SAMSN1: variants seen among roughly 807,000 people sequenced by gnomAD.
SAMSN1 encodes SAM domain, SH3 domain and nuclear localization signals 1.
SAMSN1 carries 31 observed loss-of-function variants against 42.0 expected under a neutral mutation model. The observed-to-expected ratio is 0.74, with a 90% CI of 0.55 to 1.00. The LOEUF (loss-of-function observed/expected upper bound fraction) is 1.00. Among genes scored for constraint, SAMSN1 ranks in the 50% least tolerant of loss-of-function variants. SAMSN1 has a pLI of 0.00. For missense variants in SAMSN1, 464 were observed against 439.4 expected (o/e 1.06, Z -0.50); for synonymous variants, 178 against 151.9 (o/e 1.17, Z -1.26).
chr21:14,592,673 C>A, intron 7 of SAMSN1: 2 of 366,894 alleles, frequency 5.5e-6, no homozygotes, highest in Non-Finnish European at 1.2e-5. Flanking sequence ...GTGAGAATGA[C>A]CTACTGTTAA....
chr21:14,572,163 T>C (rs928924541), intron 2 of SAMSN1, among the ~76,000 whole-genome samples: 5 of 152,172 alleles, frequency 3.3e-5, no homozygotes, highest in Non-Finnish European at 7.4e-5. Context: ...TAAATTATAA[T>C]TAAATGATAA....
intron 2 of SAMSN1, chr21:14,616,020 TA>T: frequency 1.7e-6 from 1 of 582,336 alleles, no homozygotes; most frequent in Non-Finnish European, 3.2e-6. Flanking sequence ...AAACTCCCTG[TA>T]AAATAAAATA....
chr21:14,651,232 AAG>A (rs1983830634), intron 1 of SAMSN1, among the ~76,000 whole-genome samples: 1 of 151,948 alleles, frequency 6.6e-6, no homozygotes, highest in African/African-American at 2.4e-5. Context: ...TCAAAAAAAA[AAG>A]AAGACTACAG....
chr21:14,584,787 T>G (rs941040788), upstream of SAMSN1, among the ~76,000 whole-genome samples: 2 of 152,216 alleles, frequency 1.3e-5, no homozygotes, highest in African/African-American at 4.8e-5. Context: ...GAATATTTGC[T>G]TCCTCATTAA....
chr21:14,659,252 A>G (rs1983961976), upstream of SAMSN1, among the ~76,000 whole-genome samples: 2 of 152,028 alleles, frequency 1.3e-5, no homozygotes, highest in Admixed American at 1.3e-4. Context: ...AGATATAGAG[A>G]TAAACACATT....
At chr21:14,529,304 C>T (rs561205193) in intron 1 of SAMSN1, among the ~76,000 whole-genome samples, 1 of 152,298 alleles carries the variant, frequency 6.6e-6, no homozygotes, top group African/African-American at 2.4e-5. Flanking sequence ...ATATTGATTG[C>T]TGTTATTACA....
chr21:14,550,978 T>C (rs1382076743), upstream of SAMSN1, among the ~76,000 whole-genome samples: 1 of 152,094 alleles, frequency 6.6e-6, no homozygotes, highest in Non-Finnish European at 1.5e-5. Context: ...GCTCCTTGGG[T>C]AGATATGTCT....
intron 2 of SAMSN1, among the ~76,000 whole-genome samples, chr21:14,581,395 G>C (rs1312214781): frequency 2.0e-5 from 2 of 97,664 alleles, no homozygotes; most frequent in Admixed American, 1.7e-4. Context: ...GTCTTGCTCA[G>C]TCGCCCAGGC....
At chr21:14,645,067 C>T (rs1568842211) in intron 1 of SAMSN1, among the ~76,000 whole-genome samples, 1 of 152,182 alleles carries the variant, frequency 6.6e-6, no homozygotes, top group African/African-American at 2.4e-5. Context: ...CTTCTGGACT[C>T]ACCCAGGGCC....
intron 1 of SAMSN1, among the ~76,000 whole-genome samples, chr21:14,524,285 T>C (rs1317222383): frequency 2.0e-5 from 3 of 152,158 alleles, no homozygotes; most frequent in African/African-American, 7.2e-5. Context: ...ATTGATAATG[T>C]TGTTTATATA....
At chr21:14,608,510 C>G (rs1982622224) in intron 5 of SAMSN1, among the ~76,000 whole-genome samples, 1 of 152,140 alleles carries the variant, frequency 6.6e-6, no homozygotes, top group South Asian at 2.1e-4. Context: ...ACAACAGGGC[C>G]TGAAATTCCT....
chr21:14,523,558 A>T (rs1281635713), intron 1 of SAMSN1, among the ~76,000 whole-genome samples: 1 of 152,198 alleles, frequency 6.6e-6, no homozygotes, highest in Non-Finnish European at 1.5e-5. Flanking sequence ...CTCAGCAATC[A>T]CAGAAGGGAA....
At chr21:14,554,127 T>C (rs1480119767) in intron 2 of SAMSN1, among the ~76,000 whole-genome samples, 1 of 152,186 alleles carries the variant, frequency 6.6e-6, no homozygotes, top group Non-Finnish European at 1.5e-5. Flanking sequence ...TTTAGCTAGA[T>C]TTTTAATTTG....
chr21:14,523,266 C>A (rs1201839189), intron 1 of SAMSN1: 1 of 152,134 alleles, frequency 6.6e-6, no homozygotes, highest in East Asian at 1.9e-4. Context: ...TAAAAAGATC[C>A]TGACCTCTGG....
chr21:14,513,039 T>C (rs1216065109), intron 3 of SAMSN1, among the ~76,000 whole-genome samples: 1 of 152,210 alleles, frequency 6.6e-6, no homozygotes, highest in Non-Finnish European at 1.5e-5. Flanking sequence ...TAGATATGAA[T>C]AAAACATGTA....
chr21:14,498,735 T>C, intron 6 of SAMSN1, 143 bp from the exon 7 acceptor site: 1 of 583,100 alleles, frequency 1.7e-6, no homozygotes, highest in Non-Finnish European at 2.8e-6. Flanking sequence ...TTGTATTCGT[T>C]TCTGACATAT....
chr21:14,609,588 T>C (rs759048572), intron 4 of SAMSN1: 2 of 717,756 alleles, frequency 2.8e-6, no homozygotes, highest in African/African-American at 1.7e-5. Context: ...AGCAGATAAT[T>C]GGTTAGCAGA....
At chr21:14,592,770 T>C (rs1201107961) in intron 7 of SAMSN1, 1 of 210,454 alleles carries the variant, frequency 4.8e-6, no homozygotes, top group Non-Finnish European at 1.1e-5. Flanking sequence ...AAATACGAAT[T>C]AAGTGGCCTA....
rs369101838 is a variant in SAMSN1 at position 14,533,312 on chromosome 21, A to G, written c.58-12091T>C. On this transcript the variant is annotated intron_variant, in intron 1 of 7. Transcript: ENST00000400566. Reference sequence around the variant, plus strand: ...CAGAAAATTCCAATTTGCTCTTTTTAACCAAATACTGAGACGAATGCCATA... The same window carrying G: ...CAGAAAATTCCAATTTGCTCTTTTTGACCAAATACTGAGACGAATGCCATA... Among the ~76,000 whole-genome samples the G allele has an allele frequency of 5.3e-5, 8 of 152,362 alleles. No homozygotes were observed. In the South Asian group the frequency reaches 1.7e-3, roughly 32 times the overall value.
Sources: gnomAD v4.1 joint callset for allele counts (sites outside exome capture counted in the v4.1 genomes callset) on GRCh38, gnomAD v4.1.1 for gene constraint, MANE v1.5 for transcripts, NCBI Gene and HGNC (gene_info 2026-07-23, HGNC 2026-07-21) for gene names.